The following ANO6 variants were observed in gnomAD, a reference collection of about 807,000 sequenced individuals.
ANO6 encodes anoctamin-6.
ANO6 carries 106 observed loss-of-function variants against 117.5 expected under a neutral mutation model. That is an observed-to-expected ratio of 0.90 (90% CI 0.77 to 1.06). ANO6 has a LOEUF of 1.06. ANO6 is among the 50% of genes least tolerant of loss of function. The probability of loss-of-function intolerance (pLI) is 0.00; values close to 1 mark genes in which losing one functional copy is unlikely to be tolerated. For missense variants in ANO6, 955 were observed against 1,121.1 expected (o/e 0.85, Z 2.12); for synonymous variants, 367 against 385.1 (o/e 0.95, Z 0.55).
chr12:45,250,186 T>TAG (rs1306726613), intron 1 of ANO6, among the ~76,000 whole-genome samples: 2 of 152,176 alleles, frequency 1.3e-5, no homozygotes, highest in African/African-American at 4.8e-5. Context: ...ACAGCGGCGT[T>TAG]TACCTGAAGA....
At chr12:45,412,553 C>T (rs936496188) in intron 16 of ANO6, among the ~76,000 whole-genome samples, 8 of 152,196 alleles carry the variant, frequency 5.3e-5, no homozygotes, top group African/African-American at 1.9e-4. Context: ...CTCTCCAGGA[C>T]TCAGGCCTTC....
intron 15 of ANO6, among the ~76,000 whole-genome samples, chr12:45,407,454 A>G (rs1186985608): frequency 7.5e-6 from 1 of 133,524 alleles, no homozygotes; most frequent in Non-Finnish European, 1.5e-5. Flanking sequence ...GGTGATGGAC[A>G]TGTGTGGTCC....
Position 45,431,102 on chromosome 12 carries a change from C to T in ANO6, c.*1791C>T. On this transcript the variant is annotated 3_prime_UTR_variant, in exon 20 of 20. Transcript: ENST00000320560. ...GCAGTATTGTAGGCTTTTGAATTGT[C>T]CCAGTGGATCCGGGACCCCATTTCA... 1 of 985,382 alleles carries T rather than the reference C, an allele frequency of 1.0e-6. No homozygotes were observed. Among genetic ancestry groups the T allele is most frequent in the Non-Finnish European group, 1.2e-6 (1 of 829,930 alleles). The allele number at this position is 985,382 out of a possible 1,614,324, so 61.0% of individuals were successfully genotyped here.
At chr12:45,331,996 TTC>T (rs1317989409) in intron 3 of ANO6, among the ~76,000 whole-genome samples, 2 of 152,026 alleles carry the variant, frequency 1.3e-5, no homozygotes, top group African/African-American at 2.4e-5. Flanking sequence ...CCTCGCATTT[TTC>T]TCTGTTACCT....
intron 10 of ANO6, among the ~76,000 whole-genome samples, chr12:45,382,311 T>G (rs1369371355): frequency 6.6e-6 from 1 of 152,212 alleles, no homozygotes; most frequent in African/African-American, 2.4e-5. Context: ...ACCACCCATC[T>G]TCCAGCCTAA....
chr12:45,298,178 T>G (rs1939357739), intron 1 of ANO6, among the ~76,000 whole-genome samples: 1 of 152,166 alleles, frequency 6.6e-6, no homozygotes, highest in South Asian at 2.1e-4. Context: ...AACATAGAGG[T>G]CTCAAGTACT....
chr12:45,411,567 TC>T (rs749787140), intron 16 of ANO6, among the ~76,000 whole-genome samples: 7 of 152,220 alleles, frequency 4.6e-5, no homozygotes, highest in Non-Finnish European at 7.4e-5. Context: ...GGTATTGGTC[TC>T]ACCACCACAC....
chr12:45,429,668 A>G lies in ANO6; in HGVS notation c.*357A>G. 1 of 1,131,480 alleles carries G rather than the reference A, an allele frequency of 8.8e-7. No homozygotes were observed. Among genetic ancestry groups the G allele is most frequent in the Non-Finnish European group, 1.1e-6 (1 of 918,222 alleles). The allele number at this position is 1,131,480 out of a possible 1,614,324, so 70.1% of individuals were successfully genotyped here. On this transcript the variant is annotated 3_prime_UTR_variant, in exon 20 of 20. Coordinates refer to ENST00000320560, the MANE Select transcript of ANO6 (RefSeq NM_001025356.3). ...TTCATTTCTGTCTATTCTCAGGCGCATGATCTCCTTTATTTTTAAGCCATG... is the reference window on the plus strand; with the variant it reads ...TTCATTTCTGTCTATTCTCAGGCGCGTGATCTCCTTTATTTTTAAGCCATG...
chr12:45,272,879 C>T (rs1938436086), intron 1 of ANO6, among the ~76,000 whole-genome samples: 1 of 152,032 alleles, frequency 6.6e-6, no homozygotes. Context: ...GCATAATTCA[C>T]AATAGTCAAG....
chr12:45,320,515 T>C lies in ANO6; in HGVS notation c.151-10780T>C, dbSNP rs201110091. ...GTTATAATTTCTGTTCTTTTACATT[T>C]GCTGAGGAGTGCTTTACTTCCAACT... On this transcript the variant is annotated intron_variant, in intron 2 of 19. Coordinates refer to ENST00000320560, the MANE Select transcript of ANO6 (RefSeq NM_001025356.3). Among the ~76,000 whole-genome samples, 8 of 152,324 alleles carry C rather than the reference T, an allele frequency of 5.3e-5. No individual in the cohort carries two copies. In the East Asian group the frequency reaches 1.2e-3, roughly 22 times the overall value.
intron 2 of ANO6, among the ~76,000 whole-genome samples, chr12:45,306,814 G>A (rs1031437789): frequency 1.8e-4 from 28 of 151,420 alleles, no homozygotes; most frequent in Admixed American, 9.2e-4. Flanking sequence ...GAAAAAGTAG[G>A]GATTATTTGT....
rs112719614 is a variant in ANO6, at chr12:45,440,214, G to C, written c.*276G>C. The C allele has an allele frequency of 2.4e-4, 65 of 267,520 alleles. No homozygotes were observed. The South Asian group carries it at 1.0e-2, about 41-fold the overall frequency. 16.6% of individuals were successfully genotyped at this position (267,520 alleles called of 1,614,324 possible). ...TTCATGCCATTTTAATTTTTAAAAG[G>C]TAATTTAATTGAGCCTAATTTCTTT... is the stretch of plus-strand genomic sequence containing the variant. On this transcript the variant is annotated 3_prime_UTR_variant, in exon 20 of 20. Coordinates refer to the ANO6 transcript ENST00000425752.
chr12:45,407,151 A>G (rs752864881), intron 15 of ANO6, among the ~76,000 whole-genome samples: 10 of 152,152 alleles, frequency 6.6e-5, no homozygotes, highest in Admixed American at 6.5e-4. Context: ...ACTCAGGAAA[A>G]CCAAACAAGA....
At position 45,348,272 on chromosome 12, in the gene ANO6, T is replaced by C; in HGVS notation, c.590T>C (p.Val197Ala). Residue 197 changes from valine (V) to alanine (A), a missense_variant, in exon 5 of 20, where the codon GTT (valine) becomes GCT (alanine). Coordinates refer to ENST00000320560, the MANE Select transcript of ANO6 (RefSeq NM_001025356.3). The stretch of plus-strand genomic sequence containing the variant: ...AACCGGATGAATGATTTTTACATAG[T>C]TGATAGAGATGCTTTCTTCAATCCA... ...EKNRMNDFYI[V>A]DRDAFFNPAT... 1 of 1,614,130 alleles carries C rather than the reference T, an allele frequency of 6.2e-7. No individual in the cohort carries two copies. The highest frequency in any genetic ancestry group is 2.2e-5 in the East Asian group (1 of 44,878).
At chr12:45,237,030 T>G (rs1947656721) in intron 1 of ANO6, among the ~76,000 whole-genome samples, 1 of 152,248 alleles carries the variant, frequency 6.6e-6, no homozygotes, top group Non-Finnish European at 1.5e-5. Context: ...ATGTCTTCTT[T>G]TGAGAAGTGT....
chr12:45,280,913 TATATAATGCATATATAA>T lies in ANO6; in HGVS notation c.71-21098_71-21082del, dbSNP rs1425605040. 3.4e-4 allele frequency among the ~76,000 whole-genome samples: 52 copies of T among 152,248 alleles called. 1 individual carries two copies. The highest frequency in any genetic ancestry group is 1.2e-3 in the African/African-American group (49 of 41,548). ...AGAGAGAGAATATATGTATATTTTA[TATATAATGCATATATAA>T]ATGCATGTTTACATTCATCTTTGCT... is the stretch of plus-strand genomic sequence containing the variant. On this transcript the variant is annotated intron_variant, in intron 1 of 19. Transcript: ENST00000320560.
At chr12:45,269,889 C>T (rs1468820793) in intron 1 of ANO6, among the ~76,000 whole-genome samples, 1 of 152,154 alleles carries the variant, frequency 6.6e-6, no homozygotes, top group East Asian at 1.9e-4. Flanking sequence ...TAATAGGGAA[C>T]TGAAGTATTA....
chr12:45,430,229 C>G lies in ANO6; in HGVS notation c.*918C>G, dbSNP rs957369246. The stretch of plus-strand genomic sequence containing the variant: ...AATTGTCTGGAAAAGATAAGCCCCT[C>G]AATTTTCTACCAGTTGACTTTTATT... On this transcript the variant is annotated 3_prime_UTR_variant, in exon 20 of 20. Coordinates refer to ENST00000320560, the MANE Select transcript of ANO6 (RefSeq NM_001025356.3). 1 of 985,310 alleles carries G rather than the reference C, an allele frequency of 1.0e-6. No homozygotes were observed. The highest frequency in any genetic ancestry group is 1.7e-5 in the African/African-American group (1 of 57,232). The allele number at this position is 985,310 out of a possible 1,614,324, so 61.0% of individuals were successfully genotyped here.
chr12:45,300,993 T>C (rs1386986029), intron 1 of ANO6, among the ~76,000 whole-genome samples: 1 of 152,192 alleles, frequency 6.6e-6, no homozygotes, highest in African/African-American at 2.4e-5. Flanking sequence ...GGTTTCTCTA[T>C]CCCTCTAACA....
Sources: gnomAD v4.1 joint callset for allele counts (sites outside exome capture counted in the v4.1 genomes callset) on GRCh38, gnomAD v4.1.1 for gene constraint, MANE v1.5 for transcripts, NCBI Gene and HGNC (gene_info 2026-07-23, HGNC 2026-07-21) for gene names.